The following SLC8A1 variants were observed in gnomAD, a reference collection of about 807,000 sequenced individuals.
SLC8A1 encodes the protein sodium/calcium exchanger 1.
A neutral mutation model predicts 68.3 loss-of-function variants in SLC8A1; 18 were observed. The observed-to-expected ratio is 0.26, with a 90% CI of 0.18 to 0.39. The LOEUF is 0.39. Ranked by LOEUF, SLC8A1 falls within the 10% of genes least tolerant of loss-of-function variation. The pLI, the probability that SLC8A1 is intolerant of heterozygous loss-of-function variation, is 1.00. For synonymous variants in SLC8A1, 475 were observed against 415.5 expected, an observed-to-expected ratio of 1.14 and a Z score of -1.74; for missense variants, 985 against 1,156.7, an observed-to-expected ratio of 0.85 and a Z score of 2.15.
rs572821618 is a variant in SLC8A1, at chr2:40,148,397, A to T, written c.2162-8721T>A. Among the ~76,000 whole-genome samples, 3 of 152,148 alleles carry T rather than the reference A, an allele frequency of 2.0e-5. No individual in the cohort carries two copies. In the South Asian group the frequency reaches 6.2e-4, roughly 32 times the overall value. On this transcript the variant is annotated intron_variant, in intron 6 of 7. Coordinates refer to ENST00000406785, the Ensembl canonical transcript of SLC8A1. ...CAGCAATGACAATAACACTCTCATA[A>T]CTCTTTTCCTGATCTCAGGATCTCC...
intron 2 of SLC8A1, among the ~76,000 whole-genome samples, chr2:40,373,789 G>T (rs1309110057): frequency 6.6e-6 from 1 of 151,944 alleles, no homozygotes; most frequent in Non-Finnish European, 1.5e-5. Context: ...TGAGAGTACT[G>T]AATTTCATTG....
intron 7 of SLC8A1, among the ~76,000 whole-genome samples, chr2:40,136,034 G>A (rs879238453): frequency 6.6e-6 from 1 of 152,160 alleles, no homozygotes; most frequent in Admixed American, 6.5e-5. Flanking sequence ...GCATATAGAT[G>A]TCATTTACAC....
At chr2:40,361,844 T>A (rs1252128806) in intron 2 of SLC8A1, among the ~76,000 whole-genome samples, 3 of 145,454 alleles carry the variant, frequency 2.1e-5, no homozygotes, top group Admixed American at 7.1e-5. Flanking sequence ...AATTTTTCAA[T>A]AATAATTATG....
intron 2 of SLC8A1, among the ~76,000 whole-genome samples, chr2:40,361,137 C>G (rs1231737317): frequency 6.6e-6 from 1 of 152,040 alleles, no homozygotes; most frequent in African/African-American, 2.4e-5. Context: ...GAAACCATGG[C>G]ATTCGGGTGT....
intron 2 of SLC8A1, among the ~76,000 whole-genome samples, chr2:40,247,389 T>A (rs2062021898): frequency 6.6e-6 from 1 of 152,126 alleles, no homozygotes; most frequent in Non-Finnish European, 1.5e-5. Context: ...AATCTCAGAA[T>A]ATGGCAGAAG....
intron 2 of SLC8A1, among the ~76,000 whole-genome samples, chr2:40,253,120 TA>T (rs1276466251): frequency 3.6e-5 from 4 of 109,920 alleles, no homozygotes; most frequent in Non-Finnish European, 7.2e-5. Context: ...CGTGTATACA[TA>T]TATACACGTA....
Position 40,191,684 on chromosome 2 carries a change from G to C in SLC8A1, c.1809-13829C>G, listed in dbSNP as rs549963617. Among the ~76,000 whole-genome samples, 5 of 152,140 alleles carry C rather than the reference G, an allele frequency of 3.3e-5. No individual in the cohort carries two copies. In the South Asian group the frequency reaches 1.0e-3, roughly 32 times the overall value. ...GAAAGTACTTGCTGAGCAATTCCTGGGTTAATTACAGGATTCTGATGAGCT... is the reference window on the plus strand; with the variant it reads ...GAAAGTACTTGCTGAGCAATTCCTGCGTTAATTACAGGATTCTGATGAGCT... On this transcript the variant is annotated intron_variant, in intron 2 of 7. Coordinates refer to ENST00000406785, the Ensembl canonical transcript of SLC8A1.
chr2:40,139,776 G>C, intron 6 of SLC8A1, 100 bp from the exon 10 acceptor site: 1 of 1,207,482 alleles, frequency 8.3e-7, no homozygotes, highest in African/African-American at 1.5e-5. Context: ...CCTCCACTCT[G>C]TGACAGGAGG....
Position 40,429,328 on chromosome 2 carries a change from T to A in SLC8A1, c.953A>T (p.Asp318Val), listed in dbSNP as rs1358320949. Reference sequence around the variant, plus strand: ...CATTTCTCGCCTAGCTTCTTCATCATCTTGGTCCCTCTCATCCACCTCCAG... The same window carrying A: ...CATTTCTCGCCTAGCTTCTTCATCAACTTGGTCCCTCTCATCCACCTCCAG... The change falls in exon 2 of 8, where the codon GAT (aspartate) becomes GTT (valine). Residue 318 changes from aspartate to valine, a missense_variant. Physicochemically the swap from Asp to Val is radical, Grantham distance 152. This residue lies in a region of SLC8A1 where 584 missense variants were observed against 565.9 expected (regional missense o/e 1.03). Transcript: ENST00000406785. The A allele has an allele frequency of 3.7e-6, 6 of 1,613,944 alleles. No individual in the cohort carries two copies. In the South Asian group the frequency reaches 6.6e-5, roughly 18 times the overall value.
chr2:40,158,397 T>C (rs2045004303), intron 6 of SLC8A1, among the ~76,000 whole-genome samples: 1 of 152,222 alleles, frequency 6.6e-6, no homozygotes, highest in African/African-American at 2.4e-5. Context: ...CTTTCTGATA[T>C]GTTGTTTCTC....
chr2:40,409,216 G>C (rs181819959), intron 2 of SLC8A1, among the ~76,000 whole-genome samples: 2 of 152,150 alleles, frequency 1.3e-5, no homozygotes, highest in Admixed American at 6.5e-5. Context: ...GAACCTATTA[G>C]TTGACTAAAA....
At chr2:40,210,017 G>A (rs1303311986) in intron 2 of SLC8A1, 2 of 152,236 alleles carry the variant, frequency 1.3e-5, no homozygotes, top group Non-Finnish European at 2.9e-5. Flanking sequence ...TGGCAGATGA[G>A]TTGGCAGGTG....
At chr2:40,442,410 A>T (rs896206250) in intron 1 of SLC8A1, among the ~76,000 whole-genome samples, 6 of 151,180 alleles carry the variant, frequency 4.0e-5, no homozygotes, top group Non-Finnish European at 8.9e-5. Context: ...AAAAAAAAAA[A>T]AAGAAAAAAC....
chr2:40,296,920 C>G (rs562941578), intron 2 of SLC8A1, among the ~76,000 whole-genome samples: 111 of 152,286 alleles, frequency 7.3e-4, no homozygotes, highest in Middle Eastern at 3.4e-3. Context: ...TAGAAACTCC[C>G]TCTAGACCAG....
chr2:40,141,438 C>A (rs991697874), intron 6 of SLC8A1, among the ~76,000 whole-genome samples: 1 of 152,148 alleles, frequency 6.6e-6, no homozygotes, highest in African/African-American at 2.4e-5. Context: ...ACACTTTGGG[C>A]GTCTGTGAAG....
At chr2:40,253,501 T>C (rs1001297210) in intron 2 of SLC8A1, among the ~76,000 whole-genome samples, 1 of 151,682 alleles carries the variant, frequency 6.6e-6, no homozygotes, top group Non-Finnish European at 1.5e-5. Flanking sequence ...AAAAAGTGGA[T>C]TTCATGGAGG....
At chr2:40,253,150 C>CACGTATATATGTATATGTAT (rs2063229674) in intron 2 of SLC8A1, among the ~76,000 whole-genome samples, 5 of 102,190 alleles carry the variant, frequency 4.9e-5, no homozygotes, top group Non-Finnish European at 1.0e-4. Context: ...TATGTATATA[C>CACGTATATATGTATATGTAT]ATACATATAT....
At chr2:40,200,341 G>A (rs992581986) in intron 2 of SLC8A1, among the ~76,000 whole-genome samples, 2 of 135,760 alleles carry the variant, frequency 1.5e-5, no homozygotes, top group Admixed American at 8.0e-5. Context: ...GAGAGCTAGC[G>A]ATTTCATTGG....
In SLC8A1 at chr2:40,310,471, C is replaced by G. The variant is rs187845765; in HGVS notation, c.1808+118002G>C. 5.3e-5 allele frequency among the ~76,000 whole-genome samples: 8 copies of G among 152,288 alleles called. No individual in the cohort carries two copies. In the East Asian group the frequency reaches 1.2e-3, roughly 22 times the overall value. On this transcript the variant is annotated intron_variant, in intron 2 of 7. Coordinates refer to ENST00000406785, the Ensembl canonical transcript of SLC8A1. ...ACAGAATCAATTAAGAGAGAAAGAACAGTGGGTGAGAAGAGGTCAGTGGCC... is the reference window on the plus strand; with the variant it reads ...ACAGAATCAATTAAGAGAGAAAGAAGAGTGGGTGAGAAGAGGTCAGTGGCC...
Sources: allele counts gnomAD v4.1 joint callset (sites outside exome capture counted in the v4.1 genomes callset), GRCh38; gene constraint gnomAD v4.1.1; regional missense constraint gnomAD v4.1.1; transcripts MANE v1.5; gene names NCBI Gene and HGNC (gene_info 2026-07-23, HGNC 2026-07-21).